The following ANKRD30BL variants were observed in gnomAD, a reference collection of about 807,000 sequenced individuals.
ANKRD30BL encodes the protein ankyrin repeat domain 30B like, also known as putative ankyrin repeat domain-containing protein 30B-like.
Under a neutral mutation model 18.4 loss-of-function variants are expected in ANKRD30BL, and 20 were observed. That is an observed-to-expected ratio of 1.09 (90% CI 0.77 to 1.58). The LOEUF (loss-of-function observed/expected upper bound fraction) is 1.58, where lower values mean the gene tolerates loss of function less well. Ranked by LOEUF, ANKRD30BL falls within the 40% of genes most tolerant of loss-of-function variation. The probability of loss-of-function intolerance (pLI) is 0.00; values close to 1 mark genes in which losing one functional copy is unlikely to be tolerated. For synonymous variants in ANKRD30BL, 72 were observed against 100.9 expected, an observed-to-expected ratio of 0.71 and a Z score of 1.72; for missense variants, 224 against 268.6, an observed-to-expected ratio of 0.83 and a Z score of 1.16.
At chr2:132,225,429 T>C (rs113801566) in intron 1 of ANKRD30BL, among the ~76,000 whole-genome samples, 1,931 of 152,228 alleles carry the variant, frequency 0.013, 43 homozygotes, top group African/African-American at 0.043. Context: ...GAAACACTCT[T>C]TTAGTGGAAT....
intron 1 of ANKRD30BL, among the ~76,000 whole-genome samples, chr2:132,236,604 T>A (rs1251734614): frequency 6.6e-6 from 1 of 152,088 alleles, no homozygotes; most frequent in African/African-American, 2.4e-5. Context: ...AGAATGGCAA[T>A]CATTAAAAAG....
chr2:132,216,587 C>A (rs1679503752), intron 1 of ANKRD30BL, among the ~76,000 whole-genome samples: 1 of 152,162 alleles, frequency 6.6e-6, no homozygotes, highest in African/African-American at 2.4e-5. Context: ...GCAGTCATCT[C>A]ACAGAGTTGA....
chr2:132,227,736 C>T (rs1434378021), intron 1 of ANKRD30BL, among the ~76,000 whole-genome samples: 1 of 152,124 alleles, frequency 6.6e-6, no homozygotes, highest in East Asian at 1.9e-4. Context: ...AAAAACTAGA[C>T]AGAAGTATTC....
At chr2:132,220,867 C>T (rs976477939) in intron 1 of ANKRD30BL, among the ~76,000 whole-genome samples, 5 of 151,150 alleles carry the variant, frequency 3.3e-5, no homozygotes, top group African/African-American at 9.8e-5. Flanking sequence ...GCTGCCCAGT[C>T]TGGAAAGTCA....
chr2:132,200,531 A>G (rs1329443151), intron 1 of ANKRD30BL, among the ~76,000 whole-genome samples: 2 of 152,198 alleles, frequency 1.3e-5, no homozygotes, highest in African/African-American at 4.8e-5. Context: ...TCATGAGTGA[A>G]TTCCCATTCA....
chr2:132,159,832 G>A (rs867473832), intron 1 of ANKRD30BL, among the ~76,000 whole-genome samples: 17 of 152,068 alleles, frequency 1.1e-4, no homozygotes, highest in African/African-American at 3.9e-4. Context: ...ATGTACCTGT[G>A]TAAATAGGTA....
chr2:132,163,683 T>C (rs1688132284), upstream of ANKRD30BL, among the ~76,000 whole-genome samples: 1 of 152,200 alleles, frequency 6.6e-6, no homozygotes, highest in Non-Finnish European at 1.5e-5. Flanking sequence ...GTGACCATGT[T>C]CTTGCCTCCA....
intron 1 of ANKRD30BL, among the ~76,000 whole-genome samples, chr2:132,246,097 A>G (rs202017630): frequency 7.1e-6 from 1 of 140,010 alleles, no homozygotes; most frequent in Admixed American, 7.1e-5. Context: ...ATTTGGATAG[A>G]TTGACGCTTT....
chr2:132,188,627 G>A (rs1357851007), intron 1 of ANKRD30BL, among the ~76,000 whole-genome samples: 1 of 152,028 alleles, frequency 6.6e-6, no homozygotes, highest in Non-Finnish European at 1.5e-5. Context: ...GGAGAATGGC[G>A]TGAACCCGGG....
At chr2:132,176,814 T>C (rs1300153275) in intron 1 of ANKRD30BL, among the ~76,000 whole-genome samples, 2 of 152,156 alleles carry the variant, frequency 1.3e-5, no homozygotes, top group Non-Finnish European at 2.9e-5. Flanking sequence ...AGCAGCGTAT[T>C]ATGCTTATGC....
In ANKRD30BL at chr2:132,147,597, C is replaced by T. The variant is rs1409228739; in HGVS notation, c.*534G>A. ...TCAGCACTCCAGCAACAAGTTTTTA[C>T]AGCAAGGCAAATTTACTTCTATGGA... On this transcript the variant is annotated 3_prime_UTR_variant, in exon 6 of 6. Transcript: ENST00000409867. The T allele has an allele frequency of 2.6e-5, 4 of 152,922 alleles. No homozygotes were observed. Among genetic ancestry groups the T allele is most frequent in the African/African-American group, 9.7e-5 (4 of 41,426 alleles). 9.5% of individuals were successfully genotyped at this position (152,922 alleles called of 1,614,324 possible).
At chr2:132,190,822 A>G (rs1474585387) in intron 1 of ANKRD30BL, among the ~76,000 whole-genome samples, 5 of 152,196 alleles carry the variant, frequency 3.3e-5, no homozygotes, top group Admixed American at 6.5e-5. Flanking sequence ...CCTAAAAACT[A>G]TCCTACATAA....
chr2:132,157,895 T>C (rs1483694882), intron 1 of ANKRD30BL, among the ~76,000 whole-genome samples: 1 of 152,188 alleles, frequency 6.6e-6, no homozygotes, highest in African/African-American at 2.4e-5. Context: ...TTAAGTAAAA[T>C]GGTACAATTA....
At chr2:132,220,055 A>T (rs540457686) in intron 1 of ANKRD30BL, among the ~76,000 whole-genome samples, 1 of 152,298 alleles carries the variant, frequency 6.6e-6, no homozygotes, top group African/African-American at 2.4e-5. Flanking sequence ...TTTGCATTCA[A>T]CTCACAGAGT....
chr2:132,243,389 T>C (rs1558737248), intron 1 of ANKRD30BL, among the ~76,000 whole-genome samples: 1 of 151,596 alleles, frequency 6.6e-6, no homozygotes, highest in African/African-American at 2.4e-5. Context: ...GAAAAGTAAA[T>C]ATCTTCACAT....
intron 3 of ANKRD30BL, chr2:132,155,598 A>G (rs1170995083): frequency 2.6e-5 from 4 of 152,184 alleles, no homozygotes; most frequent in Non-Finnish European, 5.9e-5. Context: ...TATCTCGGCT[A>G]TTAAAAATTC....
intron 1 of ANKRD30BL, among the ~76,000 whole-genome samples, chr2:132,201,818 T>C (rs968700970): frequency 9.9e-5 from 15 of 152,196 alleles, no homozygotes; most frequent in African/African-American, 3.6e-4. Flanking sequence ...CTATAAATCA[T>C]GCAGCTACAA....
chr2:132,219,504 G>T (rs1679609183), intron 1 of ANKRD30BL, among the ~76,000 whole-genome samples: 1 of 151,362 alleles, frequency 6.6e-6, no homozygotes, highest in South Asian at 2.1e-4. Context: ...AAACTAGAGA[G>T]AATAATTCTC....
At chr2:132,191,627 T>C (rs1678851560) in intron 1 of ANKRD30BL, among the ~76,000 whole-genome samples, 1 of 152,202 alleles carries the variant, frequency 6.6e-6, no homozygotes, top group African/African-American at 2.4e-5. Context: ...TGGTTAATGA[T>C]GCATTTTTCA....
Sources: allele counts gnomAD v4.1 joint callset (sites outside exome capture counted in the v4.1 genomes callset), GRCh38; gene constraint gnomAD v4.1.1; transcripts MANE v1.5; gene names NCBI Gene and HGNC (gene_info 2026-07-23, HGNC 2026-07-21).